COL18A1: variants seen among roughly 807,000 people sequenced by gnomAD.
COL18A1 encodes the protein collagen type XVIII alpha 1 chain.
Under a neutral mutation model 168.0 loss-of-function variants are expected in COL18A1, and 133 were observed. The ratio of observed to expected loss-of-function variants is 0.79; its 90% CI spans 0.69 to 0.91. The LOEUF (loss-of-function observed/expected upper bound fraction) is 0.91, where lower values mean the gene tolerates loss of function less well. COL18A1 is among the 40% of genes least tolerant of loss of function. The pLI, the probability that COL18A1 is intolerant of heterozygous loss-of-function variation, is 0.00. For synonymous variants in COL18A1, 949 were observed against 809.0 expected (o/e 1.17, Z -2.94); for missense variants, 2,126 against 1,925.4 (o/e 1.10, Z -1.95).
chr21:45,493,906 G>A lies in COL18A1; in HGVS notation c.2352+331G>A, dbSNP rs118128283. On this transcript the variant is annotated intron_variant, in intron 26 of 41. Transcript: ENST00000651438. The stretch of plus-strand genomic sequence containing the variant: ...CAGGAGCCCAGGCTGTACCAGCTCA[G>A]CCTCAGCAGGTTTCTGGCTGCCCCT... 301 of 368,696 alleles carry A rather than the reference G, an allele frequency of 8.2e-4. 4 individuals carry two copies. In the East Asian group the frequency reaches 0.014, roughly 17 times the overall value. 22.8% of individuals were successfully genotyped at this position (368,696 alleles called of 1,614,324 possible). A position where few individuals can be genotyped will look rare whatever the true frequency, so the allele number is the denominator to read the frequency against.
At chr21:45,507,181 G>A (rs1217223537) in intron 37 of COL18A1, 6 of 201,632 alleles carry the variant, frequency 3.0e-5, no homozygotes, top group South Asian at 2.0e-4. Flanking sequence ...AGGGAGAGGC[G>A]GGTGCTGGGC....
chr21:45,510,963 ACACCCCCAAACACCC>A (rs2146135227), intron 40 of COL18A1, 133 bp from the exon 41 acceptor site: 5 of 48,740 alleles, frequency 1.0e-4, no homozygotes, highest in African/African-American at 3.4e-4. Flanking sequence ...CACCCCACAT[ACACCCCCAAACACCC>A]CCCACACCCC....
At position 45,435,016 on chromosome 21, in the gene COL18A1, G is replaced by A. The variant is rs538182403; in HGVS notation, c.106+29543G>A. Among the ~76,000 whole-genome samples, 105 of 152,230 alleles carry A rather than the reference G, an allele frequency of 6.9e-4. 1 individual carries two copies. In the South Asian group the frequency reaches 0.021, roughly 30 times the overall value. On this transcript the variant is annotated intron_variant, in intron 2 of 41. Coordinates refer to ENST00000651438, the MANE Select transcript of COL18A1 (RefSeq NM_001379500.1). The stretch of plus-strand genomic sequence containing the variant: ...GACCCTGCATGGTTTCCTGAGGGAC[G>A]TGCTCAGTGGGATTTGTCCCTGGAG...
Position 45,494,855 on chromosome 21 carries a change from C to T in COL18A1, c.2380-7C>T. ...CCCCACTAAGCCTGGCCCCCTTCCT[C>T]TTGCAGGGTCCATACGGACGGCCGG... On this transcript the variant is annotated splice_polypyrimidine_tract_variant and splice_region_variant and intron_variant, in intron 27 of 41. Transcript: ENST00000651438. The T allele has an allele frequency of 1.9e-6, 3 of 1,607,370 alleles. No homozygotes were observed. The highest frequency in any genetic ancestry group is 2.5e-6 in the Non-Finnish European group (3 of 1,177,410).
intron 32 of COL18A1, among the ~76,000 whole-genome samples, chr21:45,503,728 T>C (rs956595036): frequency 6.6e-6 from 1 of 151,760 alleles, no homozygotes; most frequent in Non-Finnish European, 1.5e-5. Flanking sequence ...ATGGCACATG[T>C]ATACATATGT....
At chr21:45,492,269 G>C (rs2145989836) in intron 22 of COL18A1, among the ~76,000 whole-genome samples, 1 of 152,296 alleles carries the variant, frequency 6.6e-6, no homozygotes, top group Non-Finnish European at 1.5e-5. Flanking sequence ...GGCAAGCAAG[G>C]GAGCGTCTAG....
intron 15 of COL18A1, 100 bp downstream of exon 15, chr21:45,482,921 G>A: frequency 1.3e-6 from 2 of 1,551,150 alleles, no homozygotes; most frequent in South Asian, 2.2e-5. Context: ...GAGAGAGTGA[G>A]CTCTCTTGGG....
chr21:45,484,407 ACAC>A (rs2036027970), intron 15 of COL18A1, among the ~76,000 whole-genome samples: 1 of 146,880 alleles, frequency 6.8e-6, no homozygotes, highest in African/African-American at 2.6e-5. Context: ...GTACACACAC[ACAC>A]ACCTCTCCAG....
chr21:45,496,033 C>G (rs967304607), intron 29 of COL18A1: 1 of 358,010 alleles, frequency 2.8e-6, no homozygotes, highest in African/African-American at 2.1e-5. Flanking sequence ...TACAACAGGC[C>G]CCTGTGGATT....
chr21:45,487,041 G>A, intron 16 of COL18A1, 49 bp downstream of exon 16: 1 of 1,467,916 alleles, frequency 6.8e-7, no homozygotes, highest in Non-Finnish European at 9.0e-7. Context: ...GGCTGCCGTT[G>A]CCCCAGCCCT....
intron 2 of COL18A1, among the ~76,000 whole-genome samples, chr21:45,458,957 G>C (rs1181151470): frequency 6.6e-6 from 1 of 152,212 alleles, no homozygotes; most frequent in Admixed American, 6.5e-5. Flanking sequence ...AGGAATTTCT[G>C]CAACTGCAGC....
At position 45,480,108 on chromosome 21, in the gene COL18A1, C is replaced by G; in HGVS notation, c.1350C>G (p.Pro450=). Residue 450 remains proline, a synonymous_variant, in exon 11 of 42, where the codon CCC becomes CCG. Transcript: ENST00000651438. ...PGVGERGPPG[P]QGPPGPPGPS... is the part of the protein sequence containing the mutation. ...TTGGAGAGAGAGGGCCCCCAGGACC[C>G]CAAGGGCCTCCAGGGCCCCCAGGAC... 4.4e-6 allele frequency: 7 copies of G among 1,607,140 alleles called. No homozygotes were observed. The highest frequency in any genetic ancestry group is 6.0e-6 in the Non-Finnish European group (7 of 1,174,046).
At chr21:45,440,604 G>T (rs573513350) in intron 2 of COL18A1, among the ~76,000 whole-genome samples, 3 of 151,242 alleles carry the variant, frequency 2.0e-5, no homozygotes, top group Non-Finnish European at 3.0e-5. Context: ...AGCAGTCGGG[G>T]CCTGCTGGGG....
intron 3 of COL18A1, among the ~76,000 whole-genome samples, chr21:45,470,109 A>G (rs1158321048): frequency 6.6e-6 from 1 of 152,224 alleles, no homozygotes; most frequent in Non-Finnish European, 1.5e-5. Context: ...CTGTGCCCCG[A>G]TGGTGCTAGG....
At chr21:45,454,978 C>T (rs771383679) in intron 2 of COL18A1, among the ~76,000 whole-genome samples, 63 of 152,218 alleles carry the variant, frequency 4.1e-4, no homozygotes, top group Non-Finnish European at 5.9e-4. Context: ...CTGAGCCCCT[C>T]GAGACCCTCC....
At chr21:45,489,864 CCCTCCCCCACACCT>C (rs1296332741) in intron 19 of COL18A1, among the ~76,000 whole-genome samples, 2 of 67,130 alleles carry the variant, frequency 3.0e-5, no homozygotes, top group African/African-American at 9.2e-5. Flanking sequence ...CCCCACTTGC[CCCTCCCCCACACCT>C]CCTCCCCGAC....
intron 19 of COL18A1, 115 bp from the exon 20 acceptor site, chr21:45,490,160 A>C: frequency 1.3e-6 from 1 of 741,638 alleles, no homozygotes; most frequent in Non-Finnish European, 2.3e-6. Context: ...CACAGGGGTG[A>C]GAGAGAGAAG....
rs1320639829 is a variant in COL18A1 at position 45,468,324 on chromosome 21, C to T, written c.189C>T (p.Asp63=). The T allele has an allele frequency of 3.7e-6, 6 of 1,613,346 alleles. No homozygotes were observed. Among genetic ancestry groups the T allele is most frequent in the Admixed American group, 3.3e-5 (2 of 60,012 alleles). The change falls in exon 3 of 42, where the codon GAC becomes GAT. Residue 63 remains aspartate, a synonymous_variant. Coordinates refer to ENST00000651438, the MANE Select transcript of COL18A1 (RefSeq NM_001379500.1). The part of the protein sequence containing the change: ...PQQVTQTDDP[D]VGLAYVFGPD... ...AGGTCACCCAGACGGATGACCCCGACGTCGGGCTGGCCTACGTCTTTGGGC... is the reference window on the plus strand; with the variant it reads ...AGGTCACCCAGACGGATGACCCCGATGTCGGGCTGGCCTACGTCTTTGGGC...
At chr21:45,428,130 T>C (rs1289456084) in intron 2 of COL18A1, among the ~76,000 whole-genome samples, 1 of 152,156 alleles carries the variant, frequency 6.6e-6, no homozygotes, top group Admixed American at 6.5e-5. Flanking sequence ...GTGTGCATCT[T>C]GAGTGCTGTG....
Sources: allele counts gnomAD v4.1 joint callset (sites outside exome capture counted in the v4.1 genomes callset), GRCh38; gene constraint gnomAD v4.1.1; transcripts MANE v1.5; gene names NCBI Gene and HGNC (gene_info 2026-07-23, HGNC 2026-07-21).